ACOX3: variants seen among roughly 807,000 people sequenced by gnomAD.
The protein encoded by ACOX3 is peroxisomal acyl-coenzyme A oxidase 3.
Under a neutral mutation model 81.5 loss-of-function variants are expected in ACOX3, and 73 were observed. The ratio of observed to expected loss-of-function variants is 0.90; its 90% confidence interval spans 0.74 to 1.09. The LOEUF (loss-of-function observed/expected upper bound fraction) is 1.09. Among genes scored for constraint, ACOX3 ranks in the 50% least tolerant of loss-of-function variants. ACOX3 has a pLI of 0.00. For synonymous variants in ACOX3, 387 were observed against 375.1 expected, an observed-to-expected ratio of 1.03 and a Z score of -0.37; for missense variants, 947 against 928.0, an observed-to-expected ratio of 1.02 and a Z score of -0.27.
chr4:8,386,859 T>C lies in ACOX3; in HGVS notation c.1537+2314A>G, dbSNP rs2108844917. 1.3e-5 allele frequency among the ~76,000 whole-genome samples: 2 copies of C among 152,338 alleles called. No homozygotes were observed. Among genetic ancestry groups the C allele is most frequent in the African/African-American group, 4.8e-5 (2 of 41,588 alleles). The stretch of plus-strand genomic sequence containing the variant: ...GTTCTTTGCCGTGTGAACAAGGAAG[T>C]AGCCTGTAGGGCTGGAGACGGACAA... On this transcript the variant is annotated intron_variant, in intron 13 of 17. Transcript: ENST00000356406. This position sits in a 1 kb window ranked among gnomAD's most constrained non-coding sequence, Gnocchi z 5.2.
At chr4:8,358,514 G>A in the ACOX3 span, among the ~76,000 whole-genome samples, 2 of 152,208 alleles carry the variant, frequency 1.3e-5, no homozygotes, top group Non-Finnish European at 2.9e-5. Flanking sequence ...TGGGTAAAAT[G>A]AGGCTGAGAC....
At position 8,415,054 on chromosome 4, in the gene ACOX3, C is replaced by T. The variant is rs891421150; in HGVS notation, c.379-126G>A. 3 of 889,446 alleles carry T rather than the reference C, an allele frequency of 3.4e-6. No individual in the cohort carries two copies. In the African/African-American group the frequency reaches 5.0e-5, roughly 15 times the overall value. 55.1% of individuals were successfully genotyped at this position (889,446 alleles called of 1,614,324 possible). On this transcript the variant is annotated intron_variant, in intron 3 of 17. Transcript: ENST00000356406. ...CTGGTTCCCTGCCACACTGCACTTT[C>T]CCCAAGGTGGAGAACAAGTGCTGAG...
chr4:8,385,295 C>G lies in ACOX3; in HGVS notation c.1538-3688G>C, dbSNP rs1285848555. The stretch of plus-strand genomic sequence containing the variant: ...TGCACTCCACGTGACCTCACCGCTC[C>G]CCCACGTGACTCCACCGCTCACCTG... On this transcript the variant is annotated intron_variant, in intron 13 of 17. Coordinates refer to ENST00000356406, the MANE Select transcript of ACOX3 (RefSeq NM_003501.3). The surrounding 1 kb of genome is among the most constrained non-coding windows in gnomAD (Gnocchi z 5.5). 6.7e-6 allele frequency among the ~76,000 whole-genome samples: 1 copy of G among 150,184 alleles called. No individual in the cohort carries two copies. Among genetic ancestry groups the G allele is most frequent in the Non-Finnish European group, 1.5e-5 (1 of 67,932 alleles).
intron 13 of ACOX3, among the ~76,000 whole-genome samples, chr4:8,388,896 A>T (rs1323300804): frequency 6.6e-6 from 1 of 152,148 alleles, no homozygotes; most frequent in African/African-American, 2.4e-5. Context: ...GTGGCCTCTC[A>T]CGCCCTTTAT....
downstream of ACOX3, among the ~76,000 whole-genome samples, chr4:8,361,548 A>T (rs1715234719): frequency 6.6e-6 from 1 of 151,604 alleles, no homozygotes; most frequent in South Asian, 2.1e-4. Context: ...TCTGGGTGTG[A>T]ACAAATGGGC....
chr4:8,374,869 T>A (rs1010760502), intron 15 of ACOX3, 109 bp downstream of exon 15: 1 of 1,241,394 alleles, frequency 8.1e-7, no homozygotes, highest in Admixed American at 2.9e-5. Flanking sequence ...TCCGCCGTGC[T>A]CAGTGAGTCC....
Position 8,406,054 on chromosome 4 carries a change from C to G in ACOX3, c.688-11G>C. ...CTTCGGGTCCCGGATCTATACAAAG[C>G]CACAGAAAGCAGCAAACAGCAACTG... is the stretch of plus-strand genomic sequence containing the variant. On this transcript the variant is annotated splice_polypyrimidine_tract_variant and intron_variant, in intron 6 of 17. Transcript: ENST00000356406. The surrounding 1 kb of genome is among the most constrained non-coding windows in gnomAD (Gnocchi z 5.6). 1 of 1,612,708 alleles carries G rather than the reference C, an allele frequency of 6.2e-7. No individual in the cohort carries two copies. The highest frequency in any genetic ancestry group is 8.5e-7 in the Non-Finnish European group (1 of 1,178,906).
At chr4:8,367,582 TTC>T (rs1715612318) in intron 17 of ACOX3, among the ~76,000 whole-genome samples, 1 of 152,084 alleles carries the variant, frequency 6.6e-6, no homozygotes, top group African/African-American at 2.4e-5. Flanking sequence ...TATGAATATT[TTC>T]TTTTTTTTTC....
intron 1 of ACOX3, among the ~76,000 whole-genome samples, chr4:8,433,570 T>C (rs1227345385): frequency 2.0e-5 from 3 of 152,264 alleles, no homozygotes; most frequent in African/African-American, 4.8e-5. Context: ...AATTACTGTA[T>C]GTGATCAAAC....
At chr4:8,422,657 G>C (rs1723070677) in intron 1 of ACOX3, among the ~76,000 whole-genome samples, 1 of 152,248 alleles carries the variant, frequency 6.6e-6, no homozygotes, top group African/African-American at 2.4e-5. Flanking sequence ...CATAGCTCCA[G>C]TTGTTAAAGT....
Position 8,386,676 on chromosome 4 carries a change from T to C in ACOX3, c.1537+2497A>G, listed in dbSNP as rs546090344. On this transcript the variant is annotated intron_variant, in intron 13 of 17. Coordinates refer to ENST00000356406, the MANE Select transcript of ACOX3 (RefSeq NM_003501.3). This position sits in a 1 kb window ranked among gnomAD's most constrained non-coding sequence, Gnocchi z 5.2. ...GGCAGGCTAAGATCTGCACGGTTAG[T>C]TACCGTCAGAAGCTGTAACCCAGCG... is the stretch of plus-strand genomic sequence containing the variant. Among the ~76,000 whole-genome samples, 1 of 152,182 alleles carries C rather than the reference T, an allele frequency of 6.6e-6. No individual in the cohort carries two copies. Among genetic ancestry groups the C allele is most frequent in the Non-Finnish European group, 1.5e-5 (1 of 68,012 alleles).
intron 8 of ACOX3, 119 bp from the exon 9 acceptor site, chr4:8,397,238 C>G (rs1382075096): frequency 4.5e-5 from 46 of 1,012,966 alleles, no homozygotes; most frequent in Non-Finnish European, 3.0e-5. Flanking sequence ...GCCCACCTGC[C>G]CAGGCCCCAT....
At chr4:8,383,441 A>C (rs1453031128) in intron 13 of ACOX3, among the ~76,000 whole-genome samples, 1 of 152,230 alleles carries the variant, frequency 6.6e-6, no homozygotes, top group Non-Finnish European at 1.5e-5. Flanking sequence ...GATGGATTCT[A>C]AATCCAATGA....
At position 8,415,006 on chromosome 4, in the gene ACOX3, C is replaced by T. The variant is rs997854451; in HGVS notation, c.379-78G>A. ...TCTTCCGGAACATCACAACAGACAACGGCACTCAACACCATGCCCACGCTG... is the reference window on the plus strand; with the variant it reads ...TCTTCCGGAACATCACAACAGACAATGGCACTCAACACCATGCCCACGCTG... On this transcript the variant is annotated intron_variant, in intron 3 of 17. Transcript: ENST00000356406. 1.4e-5 allele frequency: 18 copies of T among 1,299,406 alleles called. No homozygotes were observed. In the African/African-American group the frequency reaches 2.0e-4, roughly 15 times the overall value. 80.5% of individuals were successfully genotyped at this position (1,299,406 alleles called of 1,614,324 possible).
chr4:8,401,295 A>G (rs934613072), intron 7 of ACOX3, among the ~76,000 whole-genome samples: 9 of 152,266 alleles, frequency 5.9e-5, no homozygotes, highest in Middle Eastern at 3.4e-3. Context: ...CCTACAGAAT[A>G]GTCTTTTACT....
chr4:8,357,513 A>C, the ACOX3 span: 5 of 311,936 alleles, frequency 1.6e-5, no homozygotes, highest in Non-Finnish European at 3.2e-5. Context: ...ATAGTACCTA[A>C]TAATCACGTT....
In ACOX3 at chr4:8,410,278, C is replaced by T. The variant is rs369383568; in HGVS notation, c.621G>A (p.Ala207=). ...VGNMGKTATH[A]VVFAKLCVPG... ...GCACACACAGCTTAGCAAACACCAC[C>T]GCGTGAGTGGCTGTCTTGCCCATGT... is the stretch of plus-strand genomic sequence containing the variant. Residue 207 remains alanine (A), a synonymous_variant, in exon 6 of 18, where the codon GCG becomes GCA. Transcript: ENST00000356406. 33 of 1,614,114 alleles carry T rather than the reference C, an allele frequency of 2.0e-5. No homozygotes were observed. Among genetic ancestry groups the T allele is most frequent in the Admixed American group, 5.0e-5 (3 of 60,008 alleles).
intron 17 of ACOX3, among the ~76,000 whole-genome samples, chr4:8,369,054 G>T (rs1715824838): frequency 6.6e-6 from 1 of 152,136 alleles, no homozygotes; most frequent in African/African-American, 2.4e-5. Flanking sequence ...GGAACCCAGA[G>T]CCAGGGGGCC....
rs1213513900 is a variant in ACOX3, at chr4:8,366,675, T to C, written c.*286A>G. On this transcript the variant is annotated 3_prime_UTR_variant, in exon 18 of 18. Transcript: ENST00000356406. ...AAGGAGCTGAACCCTGAAAACTGAATGTGCGAAATTCTAATTATCAAAAAA... is the reference window on the plus strand; with the variant it reads ...AAGGAGCTGAACCCTGAAAACTGAACGTGCGAAATTCTAATTATCAAAAAA... 4.0e-6 allele frequency: 1 copy of C among 248,222 alleles called. No individual in the cohort carries two copies. The highest frequency in any genetic ancestry group is 7.9e-6 in the Non-Finnish European group (1 of 126,222). The allele number at this position is 248,222 out of a possible 1,614,324, so 15.4% of individuals were successfully genotyped here. A position where few individuals can be genotyped will look rare whatever the true frequency, so the allele number is the denominator to read the frequency against.
Sources: allele counts gnomAD v4.1 joint callset (sites outside exome capture counted in the v4.1 genomes callset), GRCh38; gene constraint gnomAD v4.1.1; non-coding constraint Gnocchi (gnomAD v3.1); transcripts MANE v1.5; gene names NCBI Gene and HGNC (gene_info 2026-07-23, HGNC 2026-07-21).